Variants in KLF8 observed in about 807,000 individuals in gnomAD.
KLF8 encodes the protein KLF transcription factor 8.
A neutral mutation model predicts 18.2 loss-of-function variants in KLF8; 10 were observed. That is an observed-to-expected ratio of 0.55 (90% CI 0.34 to 0.93). The LOEUF (loss-of-function observed/expected upper bound fraction) is 0.93. KLF8 is among the 40% of genes least tolerant of loss of function. The pLI is 0.02. For synonymous variants in KLF8, 109 were observed against 97.3 expected (o/e 1.12, Z -0.71); for missense variants, 264 against 277.9 (o/e 0.95, Z 0.36).
At chrX:56,050,246 G>GT in the KLF8 span, among the ~76,000 whole-genome samples, 2 of 111,328 alleles carry the variant, frequency 1.8e-5, no homozygotes, top group East Asian at 2.8e-4. Context: ...TTTTTTAAGG[G>GT]TTTTTTGTGT....
chrX:56,133,864 A>T, the KLF8 span, among the ~76,000 whole-genome samples: 1 of 110,452 alleles, frequency 9.1e-6, no homozygotes, highest in African/African-American at 3.3e-5. Flanking sequence ...TCTGCTATAC[A>T]CCAACAGTGA....
At position 56,275,904 on chromosome X, in the gene KLF8, G is replaced by A. The variant is rs1402944738; in HGVS notation, c.898+5583G>A. ...TGCTAGTATTTTGTTGAGGATTTTT[G>A]CATCAATATTCATCAGTGATATTGG... is the stretch of plus-strand genomic sequence containing the variant. On this transcript the variant is annotated intron_variant, in intron 5 of 5. Transcript: ENST00000468660. Among the ~76,000 whole-genome samples the A allele has an allele frequency of 7.2e-5, 8 of 111,541 alleles. No individual in the cohort carries two copies. The Admixed American group carries it at 7.6e-4, about 11-fold the overall frequency.
the KLF8 span, among the ~76,000 whole-genome samples, chrX:56,055,069 G>A: frequency 1.8e-5 from 2 of 111,416 alleles, no homozygotes; most frequent in Admixed American, 9.5e-5. Context: ...CATTTGGCCT[G>A]TTTACCTTCA....
chrX:56,152,110 A>G, the KLF8 span, among the ~76,000 whole-genome samples: 3 of 112,146 alleles, frequency 2.7e-5, no homozygotes, highest in Non-Finnish European at 3.8e-5. Flanking sequence ...ATGGGTTTTT[A>G]TAAATGTTAT....
rs60291877 is a variant in KLF8 at position 56,253,764 on chromosome X, C to CTTTTTTTTTTTTT, written c.81+3462_81+3474dup. Among the ~76,000 whole-genome samples the CTTTTTTTTTTTTT allele has an allele frequency of 1.8e-3, 108 of 60,082 alleles. 9 individuals are homozygous for CTTTTTTTTTTTTT. Among genetic ancestry groups the CTTTTTTTTTTTTT allele is most frequent in the African/African-American group, 3.3e-3 (46 of 13,916 alleles). 52.2% of individuals were successfully genotyped at this position (60,082 alleles called of 115,157 possible). A position where few individuals can be genotyped will look rare whatever the true frequency, so the allele number is the denominator to read the frequency against. On this transcript the variant is annotated intron_variant, in intron 2 of 5. Coordinates refer to ENST00000468660, the MANE Select transcript of KLF8 (RefSeq NM_007250.5). Reference sequence around the variant, plus strand: ...GTACATAATGTCTTTTTTTCTTTTTCTTTTTTTTTTTTTTGAGATGTTGTC... The same window carrying CTTTTTTTTTTTTT: ...GTACATAATGTCTTTTTTTCTTTTTCTTTTTTTTTTTTTTTTTTTTTTTTTTTGAGATGTTGTC...
the KLF8 span, among the ~76,000 whole-genome samples, chrX:56,059,886 G>GA: frequency 1.8e-5 from 2 of 111,722 alleles, no homozygotes; most frequent in East Asian, 2.8e-4. Flanking sequence ...CTAATTCTGT[G>GA]AAAAAAGGCA....
chrX:56,145,484 T>C, the KLF8 span, among the ~76,000 whole-genome samples: 1 of 112,502 alleles, frequency 8.9e-6, no homozygotes, highest in Non-Finnish European at 1.9e-5. Context: ...AAAACAAATG[T>C]TCAAATAAAT....
At chrX:56,110,052 T>C in the KLF8 span, among the ~76,000 whole-genome samples, 1 of 111,448 alleles carries the variant, frequency 9.0e-6, no homozygotes, top group African/African-American at 3.3e-5. Flanking sequence ...TTTCTGTTTC[T>C]GCGTGAGTTT....
At chrX:55,959,364 C>T in the KLF8 span, among the ~76,000 whole-genome samples, 20 of 112,040 alleles carry the variant, frequency 1.8e-4, no homozygotes, top group African/African-American at 5.8e-4. Flanking sequence ...AACCGAGTGT[C>T]TTCTTACCTC....
At chrX:55,937,035 C>A in the KLF8 span, among the ~76,000 whole-genome samples, 7 of 111,412 alleles carry the variant, frequency 6.3e-5, no homozygotes, top group Admixed American at 6.6e-4. Context: ...AGTGGCTCTC[C>A]CAGCATGCAG....
At chrX:56,282,458 A>C (rs755225501) in intron 5 of KLF8, among the ~76,000 whole-genome samples, 1 of 112,253 alleles carries the variant, frequency 8.9e-6, no homozygotes. Flanking sequence ...TTAATCTTTG[A>C]AATGTTTGCC....
the KLF8 span, among the ~76,000 whole-genome samples, chrX:56,076,181 G>C: frequency 9.2e-6 from 1 of 109,011 alleles, no homozygotes; most frequent in Non-Finnish European, 1.9e-5. Flanking sequence ...CGGTACATGT[G>C]TACAATGTGC....
intron 1 of KLF8, among the ~76,000 whole-genome samples, chrX:56,249,181 T>A (rs2066668532): frequency 8.9e-6 from 1 of 112,776 alleles, no homozygotes; most frequent in South Asian, 3.6e-4. Context: ...GAGCAAAGAA[T>A]GATTCATGAA....
chrX:55,984,859 T>C, the KLF8 span, among the ~76,000 whole-genome samples: 1 of 111,761 alleles, frequency 8.9e-6, no homozygotes, highest in Non-Finnish European at 1.9e-5. Flanking sequence ...CATTTGCATT[T>C]CTCTAATGAT....
the KLF8 span, among the ~76,000 whole-genome samples, chrX:56,161,315 G>T: frequency 9.0e-6 from 1 of 111,085 alleles, no homozygotes; most frequent in Non-Finnish European, 1.9e-5. Context: ...ATGTTGGCCT[G>T]CCTTGCTAAA....
chrX:55,926,717 A>C, the KLF8 span, among the ~76,000 whole-genome samples: 1 of 111,126 alleles, frequency 9.0e-6, no homozygotes, highest in Non-Finnish European at 1.9e-5. Context: ...TTGACTCTGA[A>C]TAAATACAGC....
the KLF8 span, among the ~76,000 whole-genome samples, chrX:55,954,491 G>A: frequency 5.4e-5 from 6 of 111,558 alleles, no homozygotes; most frequent in Non-Finnish European, 5.7e-5. Flanking sequence ...ACAATGAGAA[G>A]CCACTTTATA....
chrX:55,918,994 A>C, the KLF8 span, among the ~76,000 whole-genome samples: 1 of 111,920 alleles, frequency 8.9e-6, no homozygotes, highest in South Asian at 3.8e-4. Context: ...GGCAAAACAC[A>C]TTCACTCTAT....
chrX:56,082,732 A>G, the KLF8 span, among the ~76,000 whole-genome samples: 1 of 111,403 alleles, frequency 9.0e-6, no homozygotes, highest in African/African-American at 3.3e-5. Context: ...TAGAATTTCC[A>G]CAAATTTGTG....
Sources: allele counts gnomAD v4.1 joint callset (sites outside exome capture counted in the v4.1 genomes callset), GRCh38; gene constraint gnomAD v4.1.1; transcripts MANE v1.5; gene names NCBI Gene and HGNC (gene_info 2026-07-23, HGNC 2026-07-21).